DMD: variants seen among roughly 807,000 people sequenced by gnomAD.
DMD encodes the protein dystrophin.
In DMD, 63 loss-of-function variants were observed where a neutral mutation model predicts 330.1. The observed-to-expected ratio is 0.19, with a 90% CI of 0.16 to 0.24. The LOEUF (loss-of-function observed/expected upper bound fraction) is 0.24, where lower values mean the gene tolerates loss of function less well. DMD is among the 10% of genes least tolerant of loss of function. The pLI is 1.00. For synonymous variants in DMD, 1,223 were observed against 959.8 expected, an observed-to-expected ratio of 1.27 and a Z score of -5.07; for missense variants, 3,344 against 2,684.1, an observed-to-expected ratio of 1.25 and a Z score of -5.43.
At chrX:31,972,150 G>A (rs763980972) in intron 44 of DMD, among the ~76,000 whole-genome samples, 1 of 111,592 alleles carries the variant, frequency 9.0e-6, no homozygotes, top group Non-Finnish European at 1.9e-5. Flanking sequence ...CATGTGCAGA[G>A]AGTTGGGAAG....
chrX:32,636,432 T>C (rs1401957465), intron 11 of DMD, among the ~76,000 whole-genome samples: 2 of 112,024 alleles, frequency 1.8e-5, no homozygotes, highest in Admixed American at 9.5e-5. Flanking sequence ...AAATTAAACA[T>C]GCACTAACAT....
intron 50 of DMD, among the ~76,000 whole-genome samples, chrX:31,799,308 A>C (rs898066521): frequency 8.9e-6 from 1 of 111,854 alleles, no homozygotes; most frequent in African/African-American, 3.3e-5. Flanking sequence ...TTGATTCACC[A>C]TTCTGCATGG....
intron 67 of DMD, among the ~76,000 whole-genome samples, chrX:31,196,866 A>G (rs1055129439): frequency 1.3e-5 from 1 of 78,497 alleles, no homozygotes; most frequent in Non-Finnish European, 2.4e-5. Context: ...AAAAAAAAAA[A>G]AGTAATCAGT....
chrX:32,825,740 CAT>C (rs2078641234), intron 4 of DMD, among the ~76,000 whole-genome samples: 3 of 111,495 alleles, frequency 2.7e-5, no homozygotes, highest in African/African-American at 9.8e-5. Context: ...ACCTTGGAAA[CAT>C]ATGCTAAGTG....
intron 7 of DMD, among the ~76,000 whole-genome samples, chrX:32,795,838 G>A (rs988631769): frequency 6.3e-5 from 7 of 111,364 alleles, no homozygotes; most frequent in African/African-American, 2.3e-4. Flanking sequence ...AATGACCAAC[G>A]GGTATATGAA....
intron 1 of DMD, among the ~76,000 whole-genome samples, chrX:33,173,364 T>C (rs1373541292): frequency 8.9e-6 from 1 of 111,988 alleles, no homozygotes; most frequent in African/African-American, 3.2e-5. Context: ...CTATGATGTT[T>C]ATGTATTTTC....
rs902530409 is a variant in DMD, at chrX:32,649,426, G to A, written c.961-4274C>T. Among the ~76,000 whole-genome samples the A allele has an allele frequency of 1.2e-3, 128 of 108,737 alleles. 1 individual carries two copies. The highest frequency in any genetic ancestry group is 4.0e-3 in the African/African-American group (119 of 29,758). 94.4% of individuals were successfully genotyped at this position (108,737 alleles called of 115,157 possible). A position where few individuals can be genotyped will look rare whatever the true frequency, so the allele number is the denominator to read the frequency against. On this transcript the variant is annotated intron_variant, in intron 9 of 78. Transcript: ENST00000357033. ...AAAATTAGCCGGGCGCGGTGGCGGCGCCTGTAGTCCCAGTTACTCGGGAGG... is the reference window on the plus strand; with the variant it reads ...AAAATTAGCCGGGCGCGGTGGCGGCACCTGTAGTCCCAGTTACTCGGGAGG...
At chrX:31,406,063 A>G (rs1434890187) in intron 60 of DMD, among the ~76,000 whole-genome samples, 2 of 112,409 alleles carry the variant, frequency 1.8e-5, no homozygotes, top group African/African-American at 6.4e-5. Flanking sequence ...CATCATTTAC[A>G]TGAGCTCTTG....
At chrX:31,807,706 C>T (rs771945999) in intron 50 of DMD, among the ~76,000 whole-genome samples, 32 of 111,570 alleles carry the variant, frequency 2.9e-4, no homozygotes, top group East Asian at 8.4e-4. Flanking sequence ...TCATGCAAAA[C>T]GGAAAAGAAA....
chrX:32,703,131 G>A (rs148509905), intron 7 of DMD, among the ~76,000 whole-genome samples: 59 of 111,338 alleles, frequency 5.3e-4, no homozygotes, highest in African/African-American at 1.7e-3. Flanking sequence ...GGTCTCACCT[G>A]AGTTACCACG....
chrX:31,957,860 T>C (rs746795331), intron 45 of DMD, among the ~76,000 whole-genome samples: 2 of 111,670 alleles, frequency 1.8e-5, no homozygotes, highest in African/African-American at 6.5e-5. Context: ...AATAAAATGA[T>C]CAACACATTT....
chrX:31,367,503 G>C (rs2059327002), intron 60 of DMD, among the ~76,000 whole-genome samples: 1 of 111,384 alleles, frequency 9.0e-6, no homozygotes, highest in African/African-American at 3.3e-5. Flanking sequence ...CTGCAACACT[G>C]ACTTCTATGT....
At chrX:32,996,418 A>G (rs1205639410) in intron 2 of DMD, among the ~76,000 whole-genome samples, 1 of 111,944 alleles carries the variant, frequency 8.9e-6, no homozygotes, top group Non-Finnish European at 1.9e-5. Flanking sequence ...GAGGCATCAA[A>G]TTCCATTTTT....
intron 57 of DMD, among the ~76,000 whole-genome samples, chrX:31,493,395 A>G (rs1205658566): frequency 8.9e-6 from 1 of 112,792 alleles, no homozygotes; most frequent in Admixed American, 9.4e-5. Flanking sequence ...TGTAGACAAC[A>G]GGGAAAAGTT....
chrX:32,108,552 A>G (rs1036002214), intron 44 of DMD, among the ~76,000 whole-genome samples: 1 of 112,065 alleles, frequency 8.9e-6, no homozygotes, highest in African/African-American at 3.2e-5. Context: ...TGGCATTTAC[A>G]GAAAAATGAG....
At chrX:32,449,950 C>A (rs867603096) in intron 26 of DMD, among the ~76,000 whole-genome samples, 2 of 111,065 alleles carry the variant, frequency 1.8e-5, no homozygotes, top group Non-Finnish European at 3.8e-5. Context: ...CTGTTAATGA[C>A]TAGAGTTTAA....
intron 45 of DMD, among the ~76,000 whole-genome samples, chrX:31,957,938 CT>C (rs966330850): frequency 9.0e-6 from 1 of 110,857 alleles, no homozygotes; most frequent in African/African-American, 3.3e-5. Flanking sequence ...TAGTGTATTC[CT>C]TTTTTGGAGT....
chrX:31,462,137 C>T (rs981140489), intron 59 of DMD, among the ~76,000 whole-genome samples: 1 of 111,767 alleles, frequency 8.9e-6, no homozygotes, highest in Non-Finnish European at 1.9e-5. Flanking sequence ...CAGAGCTAGT[C>T]GACAAATATT....
In DMD at chrX:33,124,753, G is replaced by C. The variant is rs375710084; in HGVS notation, c.31+86529C>G. Among the ~76,000 whole-genome samples, 55 of 109,796 alleles carry C rather than the reference G, an allele frequency of 5.0e-4. 1 individual carries two copies. In the South Asian group the frequency reaches 8.5e-3, roughly 17 times the overall value. ...AAGAATGGATTTATTGGCTGGGTGCGGTGGCTCACGCCTGTAATCCCAGCA... is the reference window on the plus strand; with the variant it reads ...AAGAATGGATTTATTGGCTGGGTGCCGTGGCTCACGCCTGTAATCCCAGCA... On this transcript the variant is annotated intron_variant, in intron 1 of 78. Transcript: ENST00000357033.
Sources: allele counts gnomAD v4.1 joint callset (sites outside exome capture counted in the v4.1 genomes callset), GRCh38; gene constraint gnomAD v4.1.1; transcripts MANE v1.5; gene names NCBI Gene and HGNC (gene_info 2026-07-23, HGNC 2026-07-21).